SPDYE4: variants seen among roughly 807,000 people sequenced by gnomAD.
SPDYE4 encodes speedy protein E4.
A neutral mutation model predicts 37.5 loss-of-function variants in SPDYE4; 30 were observed. The observed-to-expected ratio is 0.80, with a 90% CI of 0.60 to 1.09. The LOEUF is 1.09. Ranked by LOEUF, SPDYE4 falls within the 50% of genes least tolerant of loss-of-function variation. The probability of loss-of-function intolerance (pLI) is 0.00; values close to 1 mark genes in which losing one functional copy is unlikely to be tolerated. For missense variants in SPDYE4, 300 were observed against 307.9 expected (o/e 0.97, Z 0.19); for synonymous variants, 131 against 120.3 (o/e 1.09, Z -0.58).
chr17:8,751,602 G>T lies in SPDYE4; in HGVS notation c.*680C>A, dbSNP rs568764182. On this transcript the variant is annotated 3_prime_UTR_variant, in exon 7 of 7. Coordinates refer to ENST00000689094, the MANE Select transcript of SPDYE4 (RefSeq NM_001394956.1). ...GAGCACATTTAATAATAGATAAAAC[G>T]ATTTAAAGAGAAAACATTTACGATA... Among the ~76,000 whole-genome samples, 1 of 152,046 alleles carries T rather than the reference G, an allele frequency of 6.6e-6. No individual in the cohort carries two copies. The highest frequency in any genetic ancestry group is 1.5e-5 in the Non-Finnish European group (1 of 68,000).
At chr17:8,747,644 T>C (rs1057142277), downstream of SPDYE4, among the ~76,000 whole-genome samples, 1 of 152,204 alleles carries the variant, frequency 6.6e-6, no homozygotes, top group Admixed American at 6.5e-5. Context: ...TTGCCAATGG[T>C]GAGAGACCTG....
At chr17:8,756,513 T>A in intron 2 of SPDYE4, 77 bp from the exon 3 acceptor site, 1 of 1,379,974 alleles carries the variant, frequency 7.2e-7, no homozygotes, top group African/African-American at 1.4e-5. Context: ...AGAGGAGAAC[T>A]GTGTCCCTCT....
chr17:8,756,536 A>C, intron 2 of SPDYE4, 100 bp from the exon 3 acceptor site: 2 of 1,203,924 alleles, frequency 1.7e-6, no homozygotes, highest in Non-Finnish European at 1.2e-6. Flanking sequence ...GGGAAGTCTC[A>C]GGATTGTGGC....
chr17:8,751,034 A>C lies in SPDYE4; in HGVS notation c.*1248T>G, dbSNP rs1421016559. 6.6e-6 allele frequency among the ~76,000 whole-genome samples: 1 copy of C among 152,150 alleles called. No individual in the cohort carries two copies. Among genetic ancestry groups the C allele is most frequent in the Non-Finnish European group, 1.5e-5 (1 of 68,040 alleles). On this transcript the variant is annotated 3_prime_UTR_variant, in exon 7 of 7. Coordinates refer to ENST00000689094, the MANE Select transcript of SPDYE4 (RefSeq NM_001394956.1). The stretch of plus-strand genomic sequence containing the variant: ...TCTCACAGTTCAATAACAAACAAAC[A>C]CTCAACATCAAATAAAAATTTATTT...
intron 4 of SPDYE4, among the ~76,000 whole-genome samples, chr17:8,755,136 C>A: frequency 6.6e-6 from 1 of 152,182 alleles, no homozygotes; most frequent in South Asian, 2.1e-4. Flanking sequence ...CTGTGTTATG[C>A]GAGGACGACC....
chr17:8,755,633 A>G lies in SPDYE4; in HGVS notation c.400-28T>C, dbSNP rs1168596715. 3.1e-6 allele frequency: 5 copies of G among 1,608,822 alleles called. No homozygotes were observed. In the East Asian group the frequency reaches 8.9e-5, roughly 29 times the overall value. ...GATGGAGAGAAGGGAGTAGAGAGAG[A>G]GAAAGGTTGGTCACATCCTGGAAGA... On this transcript the variant is annotated intron_variant, in intron 3 of 6. Transcript: ENST00000689094.
At position 8,758,488 on chromosome 17, in the gene SPDYE4, A is replaced by C. The variant is rs917487189; in HGVS notation, c.-106T>G. ...ACCCAGAAGAGTGCGTTTCTCTTCT[A>C]GAGGCTCGGGAGAAGTTAGGAGTGA... On this transcript the variant is annotated 5_prime_UTR_variant, in exon 1 of 7. Transcript: ENST00000689094. 6.4e-6 allele frequency: 7 copies of C among 1,090,092 alleles called. No individual in the cohort carries two copies. In the African/African-American group the frequency reaches 1.1e-4, roughly 17 times the overall value. The allele number at this position is 1,090,092 out of a possible 1,614,324, so 67.5% of individuals were successfully genotyped here. A position where few individuals can be genotyped will look rare whatever the true frequency, so the allele number is the denominator to read the frequency against.
chr17:8,751,978 C>A lies in SPDYE4; in HGVS notation c.*304G>T, dbSNP rs991628099. Among the ~76,000 whole-genome samples the A allele has an allele frequency of 6.6e-6, 1 of 152,116 alleles. No individual in the cohort carries two copies. The highest frequency in any genetic ancestry group is 1.5e-5 in the Non-Finnish European group (1 of 68,026). On this transcript the variant is annotated 3_prime_UTR_variant, in exon 7 of 7. Transcript: ENST00000689094. The stretch of plus-strand genomic sequence containing the variant: ...CCCAGGGGAGGCTGGGATTCAGCAA[C>A]GTGAAAAGGGAGGTTTTGCCGCAGG...
rs1188730456 is a variant in SPDYE4, at chr17:8,753,424, T to C, written c.551A>G (p.Tyr184Cys). The C allele has an allele frequency of 6.2e-7, 1 of 1,609,430 alleles. No homozygotes were observed. Among genetic ancestry groups the C allele is most frequent in the East Asian group, 2.2e-5 (1 of 44,798 alleles). ...GGGTCGCTGGGAGTAGTTCTTCCCG[T>C]AGAGGAAGGAGAAGATGTCTTGTTT... ...APKQDIFSFL[Y>C]GKNYSQRPLF... Residue 184 changes from tyrosine to cysteine, a missense_variant, in exon 5 of 7, where the codon TAC becomes TGC. Tyr to Cys is a radical substitution (Grantham distance 194). Coordinates refer to ENST00000689094, the MANE Select transcript of SPDYE4 (RefSeq NM_001394956.1).
chr17:8,753,796 A>T (rs1045305895), intron 4 of SPDYE4, among the ~76,000 whole-genome samples: 2 of 152,128 alleles, frequency 1.3e-5, no homozygotes, highest in African/African-American at 4.8e-5. Flanking sequence ...CAGTCTGGGT[A>T]ATATGGCAAG....
downstream of SPDYE4, among the ~76,000 whole-genome samples, chr17:8,747,767 A>T (rs1444647960): frequency 6.6e-6 from 1 of 152,202 alleles, no homozygotes; most frequent in African/African-American, 2.4e-5. Context: ...ATTTCCCTGC[A>T]TCCTCACTGC....
At chr17:8,757,221 AAAG>A in intron 2 of SPDYE4, 38 bp downstream of exon 2, 1 of 1,546,442 alleles carries the variant, frequency 6.5e-7, no homozygotes, top group Non-Finnish European at 8.8e-7. Context: ...CACTTTTTTA[AAAG>A]AACAGGGTTG....
Position 8,753,370 on chromosome 17 carries a change from A to G in SPDYE4, c.605T>C (p.Leu202Pro), listed in dbSNP as rs1414719109. The change falls in exon 5 of 7, where the codon CTC becomes CCC. Residue 202 changes from leucine (L) to proline (P), a missense_variant. Leu to Pro is a moderately conservative substitution (Grantham distance 98). Coordinates refer to ENST00000689094, the MANE Select transcript of SPDYE4 (RefSeq NM_001394956.1). ...PLFHKLRYQL[L>P]CSMRWRTWVS... ...CCACGTCCTCCAGCGCATGGAACAG[A>G]GGAGCTGGTATCGAAGCTTATGGAA... is the stretch of plus-strand genomic sequence containing the variant. 1.3e-6 allele frequency: 2 copies of G among 1,587,674 alleles called. No homozygotes were observed. The highest frequency in any genetic ancestry group is 2.7e-5 in the African/African-American group (2 of 74,490).
chr17:8,751,819 T>G lies in SPDYE4; in HGVS notation c.*463A>C, dbSNP rs1223950725. 6.6e-6 allele frequency among the ~76,000 whole-genome samples: 1 copy of G among 152,204 alleles called. No individual in the cohort carries two copies. Among genetic ancestry groups the G allele is most frequent in the Admixed American group, 6.5e-5 (1 of 15,282 alleles). On this transcript the variant is annotated 3_prime_UTR_variant, in exon 7 of 7. Transcript: ENST00000689094. ...AAAATGTACAGTATCTATTAAACTA[T>G]CTCTTAAAATCCTATGGCAGTAATT...
At chr17:8,753,760 A>C (rs556580449) in intron 4 of SPDYE4, among the ~76,000 whole-genome samples, 4 of 152,238 alleles carry the variant, frequency 2.6e-5, no homozygotes, top group Middle Eastern at 3.4e-3. Flanking sequence ...AGGCAGGAGG[A>C]TCACTGGAGG....
Position 8,757,262 on chromosome 17 carries a change from C to T in SPDYE4, c.340G>A (p.Gly114Arg). The T allele has an allele frequency of 6.2e-7, 1 of 1,602,522 alleles. No homozygotes were observed. Among genetic ancestry groups the T allele is most frequent in the Non-Finnish European group, 8.5e-7 (1 of 1,174,366 alleles). ...GGTGCTTTTTGGGGTATCCTCCTACCAAGGAGCCTGTTGAAGGCCTCGTGG... is the reference window on the plus strand; with the variant it reads ...GGTGCTTTTTGGGGTATCCTCCTACTAAGGAGCCTGTTGAAGGCCTCGTGG... ...EHHEAFNRLLGDPVVQKFLAW... is the reference protein window; with the variant it reads ...EHHEAFNRLLRDPVVQKFLAW... Residue 114 changes from glycine to arginine, a missense_variant and splice_region_variant, in exon 2 of 7, where the codon GGG (glycine) becomes AGG (arginine). Gly to Arg is a moderately radical substitution (Grantham distance 125). Transcript: ENST00000689094.
intron 2 of SPDYE4, 77 bp from the exon 3 acceptor site, chr17:8,756,513 T>C (rs1333720543): frequency 7.2e-7 from 1 of 1,379,856 alleles, no homozygotes; most frequent in Non-Finnish European, 1.0e-6. Flanking sequence ...AGAGGAGAAC[T>C]GTGTCCCTCT....
intron 3 of SPDYE4, among the ~76,000 whole-genome samples, chr17:8,755,976 A>G (rs1042521795): frequency 1.3e-5 from 2 of 152,172 alleles, no homozygotes; most frequent in Non-Finnish European, 2.9e-5. Context: ...TGGATTCCAA[A>G]GGACCCTGTG....
In SPDYE4 at chr17:8,756,334, C is replaced by T. The variant is rs574504643; in HGVS notation, c.399+44G>A. On this transcript the variant is annotated intron_variant, in intron 3 of 6. Coordinates refer to ENST00000689094, the MANE Select transcript of SPDYE4 (RefSeq NM_001394956.1). ...TTAGACGCTGCACCCTTCCCCAGGACGTGTGTTAAAGCAGGAACACAGTTG... is the reference window on the plus strand; with the variant it reads ...TTAGACGCTGCACCCTTCCCCAGGATGTGTGTTAAAGCAGGAACACAGTTG... 7.5e-5 allele frequency: 118 copies of T among 1,578,258 alleles called. 1 individual carries two copies. The East Asian group carries it at 1.1e-3, about 14-fold the overall frequency.
Sources: allele counts gnomAD v4.1 joint callset (sites outside exome capture counted in the v4.1 genomes callset), GRCh38; gene constraint gnomAD v4.1.1; transcripts MANE v1.5; gene names NCBI Gene and HGNC (gene_info 2026-07-23, HGNC 2026-07-21).